Variants in LPAR1 observed in about 807,000 individuals in gnomAD.
The protein encoded by LPAR1 is LPA receptor 1.
In LPAR1, 5 loss-of-function variants were observed where a neutral mutation model predicts 23.8. The observed-to-expected ratio is 0.21, with a 90% CI of 0.11 to 0.44. LPAR1 has a LOEUF of 0.44. LPAR1 is among the 20% of genes least tolerant of loss of function. The pLI is 0.99. For synonymous variants in LPAR1, 160 were observed against 164.7 expected, an observed-to-expected ratio of 0.97 and a Z score of 0.22; for missense variants, 311 against 482.8, an observed-to-expected ratio of 0.64 and a Z score of 3.33.
Position 110,875,294 on chromosome 9 carries a change from G to T in LPAR1, c.*127C>A. The stretch of plus-strand genomic sequence containing the variant: ...GGTCCAGGAACAAATACTGTCATTG[G>T]TTAGTGTTTAAGTACATGAGTTGAC... On this transcript the variant is annotated 3_prime_UTR_variant, in exon 6 of 6. Coordinates refer to ENST00000683809, the MANE Select transcript of LPAR1 (RefSeq NM_001351411.2). The T allele has an allele frequency of 2.8e-6, 2 of 702,006 alleles. No individual in the cohort carries two copies. The highest frequency in any genetic ancestry group is 4.7e-6 in the Non-Finnish European group (2 of 428,656). 43.5% of individuals were successfully genotyped at this position (702,006 alleles called of 1,614,324 possible).
chr9:110,942,243 G>T (rs2095153706), intron 4 of LPAR1, 75 bp from the exon 5 acceptor site: 3 of 1,263,270 alleles, frequency 2.4e-6, no homozygotes, highest in South Asian at 1.5e-5. Flanking sequence ...GATAACACAA[G>T]ACTTTTATAG....
intron 5 of LPAR1, among the ~76,000 whole-genome samples, chr9:110,903,918 T>G: frequency 7.6e-6 from 1 of 131,312 alleles, no homozygotes; most frequent in East Asian, 2.5e-4. Flanking sequence ...TTGAAAGCAC[T>G]GAGAGAGCAA....
chr9:110,891,936 G>A (rs1174771689), intron 5 of LPAR1, among the ~76,000 whole-genome samples: 2 of 152,134 alleles, frequency 1.3e-5, no homozygotes, highest in Non-Finnish European at 2.9e-5. Flanking sequence ...CATCACTGCT[G>A]GTGAAAATGT....
At chr9:110,916,652 T>C (rs2093138664) in intron 5 of LPAR1, among the ~76,000 whole-genome samples, 1 of 152,164 alleles carries the variant, frequency 6.6e-6, no homozygotes, top group Admixed American at 6.5e-5. Context: ...TTTCCTCTTC[T>C]GTCTTGTAGC....
chr9:110,910,447 A>C (rs2134333069), intron 5 of LPAR1, among the ~76,000 whole-genome samples: 1 of 152,334 alleles, frequency 6.6e-6, no homozygotes, highest in African/African-American at 2.4e-5. Context: ...TAGTCGCCTA[A>C]GAGCTCTGAT....
intron 5 of LPAR1, among the ~76,000 whole-genome samples, chr9:110,899,847 T>C (rs950902890): frequency 2.6e-5 from 4 of 152,162 alleles, no homozygotes; most frequent in African/African-American, 7.2e-5. Flanking sequence ...GGTCATTCCA[T>C]TGTAAGATAT....
At chr9:111,010,393 C>T (rs1013048525) in intron 2 of LPAR1, among the ~76,000 whole-genome samples, 2 of 152,000 alleles carry the variant, frequency 1.3e-5, no homozygotes, top group Non-Finnish European at 1.5e-5. Context: ...TGTTAACATA[C>T]ATCTGGCCTC....
intron 5 of LPAR1, among the ~76,000 whole-genome samples, chr9:110,919,620 A>G (rs761101814): frequency 1.3e-5 from 2 of 152,184 alleles, no homozygotes; most frequent in African/African-American, 2.4e-5. Context: ...TGTAACGGAA[A>G]CTTCAGACTC....
At chr9:110,929,886 T>TTCATTTG (rs1270651697) in intron 5 of LPAR1, among the ~76,000 whole-genome samples, 1 of 152,126 alleles carries the variant, frequency 6.6e-6, no homozygotes, top group African/African-American at 2.4e-5. Context: ...GCCTCCTATG[T>TTCATTTG]TCATTCTCAT....
chr9:111,032,016 G>A lies in LPAR1; in HGVS notation c.-182+4106C>T, dbSNP rs2097803692. Among the ~76,000 whole-genome samples the A allele has an allele frequency of 2.0e-5, 3 of 152,244 alleles. No homozygotes were observed. The South Asian group carries it at 6.2e-4, about 32-fold the overall frequency. ...TAGAGGGCAAGCTCCATGAGAGAAG[G>A]GGTCTGTCCACATCTTGTTTCCTGC... On this transcript the variant is annotated intron_variant, in intron 2 of 5. Transcript: ENST00000683809.
chr9:110,912,083 T>TA (rs1457405759), intron 5 of LPAR1, among the ~76,000 whole-genome samples: 1 of 152,210 alleles, frequency 6.6e-6, no homozygotes, highest in African/African-American at 2.4e-5. Context: ...TACTGAGGGC[T>TA]GTGGGAGGGA....
At chr9:110,953,773 C>T (rs970569294) in intron 4 of LPAR1, among the ~76,000 whole-genome samples, 4 of 152,052 alleles carry the variant, frequency 2.6e-5, no homozygotes, top group African/African-American at 4.8e-5. Flanking sequence ...GTGACCTACA[C>T]AACCAACACC....
chr9:111,010,021 AT>A (rs2097301670), intron 2 of LPAR1, among the ~76,000 whole-genome samples: 1 of 50,820 alleles, frequency 2.0e-5, no homozygotes, highest in South Asian at 4.9e-4. Flanking sequence ...ATATATATAT[AT>A]ATATATATAT....
At chr9:110,911,561 GA>G (rs141466892) in intron 5 of LPAR1, among the ~76,000 whole-genome samples, 3 of 149,820 alleles carry the variant, frequency 2.0e-5, no homozygotes, top group Non-Finnish European at 1.5e-5. Flanking sequence ...TGGAGGATTT[GA>G]AAAAAAAATT....
At chr9:110,974,898 G>A (rs2096521879) in intron 2 of LPAR1, among the ~76,000 whole-genome samples, 1 of 151,934 alleles carries the variant, frequency 6.6e-6, no homozygotes, top group Non-Finnish European at 1.5e-5. Context: ...ACTTATTCCT[G>A]GCACTATTTT....
At chr9:110,928,371 C>T (rs1409681) in intron 5 of LPAR1, among the ~76,000 whole-genome samples, 149,934 of 152,334 alleles carry the variant, frequency 0.98, 73,791 homozygotes, top group East Asian at 1. Context: ...TATCTCACTA[C>T]GCTAATATAA....
chr9:110,930,150 GA>G (rs2094310877), intron 5 of LPAR1, among the ~76,000 whole-genome samples: 3 of 152,168 alleles, frequency 2.0e-5, no homozygotes, highest in African/African-American at 7.2e-5. Flanking sequence ...TGATCTTTCA[GA>G]TCCTGAAACA....
intron 5 of LPAR1, among the ~76,000 whole-genome samples, chr9:110,937,882 CAT>C (rs1315568475): frequency 6.6e-6 from 1 of 152,090 alleles, no homozygotes; most frequent in Non-Finnish European, 1.5e-5. Context: ...GTAAAACAAA[CAT>C]ATTATTTACT....
rs537030096 is a variant in LPAR1, at chr9:110,914,550, G to A, written c.793+26871C>T. 2.0e-5 allele frequency among the ~76,000 whole-genome samples: 3 copies of A among 152,334 alleles called. No individual in the cohort carries two copies. The South Asian group carries it at 6.2e-4, about 32-fold the overall frequency. ...TTATAGGAGCTACAATTCAAGAAGAGATTTGGGTGGGGACCCAGCCAAACT... is the reference window on the plus strand; with the variant it reads ...TTATAGGAGCTACAATTCAAGAAGAAATTTGGGTGGGGACCCAGCCAAACT... On this transcript the variant is annotated intron_variant, in intron 5 of 5. Coordinates refer to ENST00000683809, the MANE Select transcript of LPAR1 (RefSeq NM_001351411.2).
Sources: gnomAD v4.1 joint callset for allele counts (sites outside exome capture counted in the v4.1 genomes callset) on GRCh38, gnomAD v4.1.1 for gene constraint, MANE v1.5 for transcripts, NCBI Gene and HGNC (gene_info 2026-07-23, HGNC 2026-07-21) for gene names.